Variants in ELL2 observed in about 807,000 individuals in gnomAD.
ELL2 encodes RNA polymerase II elongation factor ELL2.
ELL2 carries 21 observed loss-of-function variants against 72.8 expected under a neutral mutation model. That is an observed-to-expected ratio of 0.29 (90% CI 0.20 to 0.42). The LOEUF (loss-of-function observed/expected upper bound fraction) is 0.42, where lower values mean the gene tolerates loss of function less well. Ranked by LOEUF, ELL2 falls within the 10% of genes least tolerant of loss-of-function variation. ELL2 has a pLI of 1.00. For synonymous variants in ELL2, 266 were observed against 283.2 expected (o/e 0.94, Z 0.61); for missense variants, 568 against 772.8 (o/e 0.73, Z 3.14).
intron 5 of ELL2, among the ~76,000 whole-genome samples, chr5:95,902,427 C>A (rs975892021): frequency 6.6e-6 from 1 of 152,176 alleles, no homozygotes; most frequent in Non-Finnish European, 1.5e-5. Context: ...ACTGCAATTC[C>A]TAGAGTTTCG....
chr5:95,927,035 T>C (rs1234593012), intron 2 of ELL2, among the ~76,000 whole-genome samples: 5 of 152,142 alleles, frequency 3.3e-5, no homozygotes, highest in Non-Finnish European at 7.4e-5. Context: ...ATGGATTAAT[T>C]GATTCTTTCA....
intron 3 of ELL2, among the ~76,000 whole-genome samples, chr5:95,914,932 CAT>C (rs1269221005): frequency 6.6e-6 from 1 of 152,102 alleles, no homozygotes; most frequent in African/African-American, 2.4e-5. Context: ...TTCAAAGTAA[CAT>C]GTTAATATTA....
chr5:95,953,586 C>T (rs2112359759), intron 1 of ELL2, among the ~76,000 whole-genome samples: 1 of 152,352 alleles, frequency 6.6e-6, no homozygotes, highest in East Asian at 1.9e-4. Flanking sequence ...AAAAAGTCTT[C>T]CAGACTAGGT....
chr5:95,950,899 T>TAC (rs1332577963), intron 1 of ELL2, among the ~76,000 whole-genome samples: 7 of 49,900 alleles, frequency 1.4e-4, no homozygotes, highest in African/African-American at 3.5e-4. Context: ...TGTATGTATG[T>TAC]ATGTGTATAT....
chr5:95,937,053 C>T (rs942473639), intron 2 of ELL2, among the ~76,000 whole-genome samples: 10 of 152,180 alleles, frequency 6.6e-5, no homozygotes, highest in African/African-American at 2.2e-4. Context: ...TAACTCATTG[C>T]TAAGAATACA....
intron 1 of ELL2, among the ~76,000 whole-genome samples, chr5:95,961,357 C>T (rs1031775499): frequency 2.0e-5 from 3 of 151,920 alleles, no homozygotes; most frequent in Non-Finnish European, 4.4e-5. Flanking sequence ...CTCGGCCCCG[C>T]CGCCAGGGGC....
chr5:95,950,904 G>GTATATATATA (rs869036736), intron 1 of ELL2, among the ~76,000 whole-genome samples: 16 of 46,600 alleles, frequency 3.4e-4, no homozygotes, highest in Non-Finnish European at 5.5e-4. Context: ...GTATGTATGT[G>GTATATATATA]TATATATATA....
chr5:95,913,713 T>A, intron 4 of ELL2, 58 bp downstream of exon 4: 1 of 1,472,906 alleles, frequency 6.8e-7, no homozygotes, highest in Non-Finnish European at 9.0e-7. Context: ...TATTTACCTA[T>A]GGTGATCTTG....
At chr5:95,955,477 G>C (rs1469551174) in intron 1 of ELL2, among the ~76,000 whole-genome samples, 1 of 152,070 alleles carries the variant, frequency 6.6e-6, no homozygotes, top group Non-Finnish European at 1.5e-5. Context: ...TTTAACATTG[G>C]CTCTCAAGAG....
At chr5:95,894,074 A>G (rs1232766462) in intron 9 of ELL2, among the ~76,000 whole-genome samples, 5 of 152,164 alleles carry the variant, frequency 3.3e-5, no homozygotes, top group Admixed American at 3.3e-4. Context: ...AATATGGCGA[A>G]ACGCCATCTC....
intron 2 of ELL2, among the ~76,000 whole-genome samples, chr5:95,926,003 C>T (rs1750268554): frequency 6.6e-6 from 1 of 152,132 alleles, no homozygotes; most frequent in Non-Finnish European, 1.5e-5. Flanking sequence ...AGAAAATATA[C>T]TTTAAGCTAG....
chr5:95,906,407 A>T, intron 5 of ELL2, 116 bp downstream of exon 5: 1 of 1,185,232 alleles, frequency 8.4e-7, no homozygotes. Context: ...CACTGATCAA[A>T]ATAATCCTAA....
At chr5:95,953,545 C>A (rs1751498554) in intron 1 of ELL2, among the ~76,000 whole-genome samples, 1 of 152,234 alleles carries the variant, frequency 6.6e-6, no homozygotes, top group South Asian at 2.1e-4. Flanking sequence ...TCAAGCCTGG[C>A]TACACCCTTG....
intron 1 of ELL2, among the ~76,000 whole-genome samples, chr5:95,954,271 C>T (rs550887751): frequency 6.6e-6 from 1 of 152,152 alleles, no homozygotes; most frequent in Non-Finnish European, 1.5e-5. Flanking sequence ...ACATCTTTAT[C>T]TCTCCTACCC....
intron 1 of ELL2, among the ~76,000 whole-genome samples, chr5:95,944,864 C>A (rs17466655): frequency 0.01 from 1,525 of 152,344 alleles, 15 homozygotes; most frequent in Non-Finnish European, 0.016. Flanking sequence ...ATTTGAAATT[C>A]TCTCTCCAAC....
Position 95,888,713 on chromosome 5 carries a change from G to T in ELL2, c.*158C>A. On this transcript the variant is annotated 3_prime_UTR_variant, in exon 12 of 12. Coordinates refer to ENST00000237853, the MANE Select transcript of ELL2 (RefSeq NM_012081.6). ...AGAAAGAGCAGCTTCGAAATGCAGG[G>T]AAGCAAAGTAAAATGGAAAAGAAAA... 1 of 506,422 alleles carries T rather than the reference G, an allele frequency of 2.0e-6. No homozygotes were observed. Among genetic ancestry groups the T allele is most frequent in the Non-Finnish European group, 3.3e-6 (1 of 300,436 alleles). 31.4% of individuals were successfully genotyped at this position (506,422 alleles called of 1,614,324 possible). A position where few individuals can be genotyped will look rare whatever the true frequency, so the allele number is the denominator to read the frequency against.
At chr5:95,953,705 A>G (rs1236574547) in intron 1 of ELL2, among the ~76,000 whole-genome samples, 1 of 151,894 alleles carries the variant, frequency 6.6e-6, no homozygotes, top group East Asian at 1.9e-4. Flanking sequence ...AGGAACTGCC[A>G]ATAAAAAAGA....
chr5:95,955,796 T>C (rs1468256909), intron 1 of ELL2, among the ~76,000 whole-genome samples: 14 of 151,808 alleles, frequency 9.2e-5, no homozygotes, highest in Admixed American at 9.2e-4. Flanking sequence ...GTCCATAATA[T>C]CACATTTTAG....
chr5:95,894,543 C>A (rs1748795372), intron 9 of ELL2, among the ~76,000 whole-genome samples: 1 of 152,142 alleles, frequency 6.6e-6, no homozygotes, highest in African/African-American at 2.4e-5. Context: ...ACAACTGACC[C>A]TTCCTGGGCC....
Sources: gnomAD v4.1 joint callset for allele counts (sites outside exome capture counted in the v4.1 genomes callset) on GRCh38, gnomAD v4.1.1 for gene constraint, MANE v1.5 for transcripts, NCBI Gene and HGNC (gene_info 2026-07-23, HGNC 2026-07-21) for gene names.